RNLS: variants seen among roughly 807,000 people sequenced by gnomAD.
The protein encoded by RNLS is renalase, FAD dependent amine oxidase, also known as renalase.
A neutral mutation model predicts 39.8 loss-of-function variants in RNLS; 39 were observed. The observed-to-expected ratio is 0.98, with a 90% CI of 0.76 to 1.28. RNLS has a LOEUF of 1.28. Ranked by LOEUF, RNLS falls within the 50% of genes most tolerant of loss-of-function variation. The pLI, the probability that RNLS is intolerant of heterozygous loss-of-function variation, is 0.00. For synonymous variants in RNLS, 147 were observed against 150.7 expected (o/e 0.98, Z 0.18); for missense variants, 410 against 413.3 (o/e 0.99, Z 0.07).
chr10:88,577,555 T>C (rs1231449226), intron 3 of RNLS, among the ~76,000 whole-genome samples: 2 of 152,182 alleles, frequency 1.3e-5, no homozygotes, highest in East Asian at 3.8e-4. Flanking sequence ...CCTCAGGTAG[T>C]ATTAGATAAA....
At chr10:88,320,934 C>A (rs999062747) in intron 5 of RNLS, among the ~76,000 whole-genome samples, 1 of 150,144 alleles carries the variant, frequency 6.7e-6, no homozygotes, top group Non-Finnish European at 1.5e-5. Context: ...TTAAATTGGA[C>A]TCTTGACCAA....
At chr10:88,395,352 A>G (rs955319228) in intron 4 of RNLS, among the ~76,000 whole-genome samples, 1 of 151,926 alleles carries the variant, frequency 6.6e-6, no homozygotes, top group Non-Finnish European at 1.5e-5. Context: ...CCGAGGAACT[A>G]AAGACAAGCA....
chr10:88,269,129 G>A (rs1349380320), downstream of RNLS, among the ~76,000 whole-genome samples: 4 of 152,186 alleles, frequency 2.6e-5, no homozygotes, highest in Non-Finnish European at 5.9e-5. Flanking sequence ...CCTCTTTGGG[G>A]AGAAAGCAAT....
At chr10:88,254,125 A>C in the RNLS span, among the ~76,000 whole-genome samples, 1 of 152,028 alleles carries the variant, frequency 6.6e-6, no homozygotes, top group Admixed American at 6.5e-5. Context: ...TCCCATTCTC[A>C]CTCTCATAGT....
At chr10:88,529,183 G>T (rs1236327854) in intron 4 of RNLS, among the ~76,000 whole-genome samples, 1 of 152,110 alleles carries the variant, frequency 6.6e-6, no homozygotes, top group Non-Finnish European at 1.5e-5. Context: ...TGTGAATTTA[G>T]GAGAGAGGGA....
chr10:88,511,082 T>C (rs1402833367), intron 4 of RNLS, among the ~76,000 whole-genome samples: 1 of 150,838 alleles, frequency 6.6e-6, no homozygotes, highest in Non-Finnish European at 1.5e-5. Context: ...CATAAGAATA[T>C]GGATTAAGAC....
At chr10:88,225,202 T>C in the RNLS span, among the ~76,000 whole-genome samples, 1 of 152,212 alleles carries the variant, frequency 6.6e-6, no homozygotes, top group Non-Finnish European at 1.5e-5. Context: ...TCTTCACGAG[T>C]GTACACATAC....
At chr10:88,517,705 A>G (rs765099312) in intron 4 of RNLS, among the ~76,000 whole-genome samples, 2 of 151,932 alleles carry the variant, frequency 1.3e-5, no homozygotes, top group Non-Finnish European at 2.9e-5. Flanking sequence ...AACTTCTCAT[A>G]AACACAAATG....
intron 4 of RNLS, among the ~76,000 whole-genome samples, chr10:88,478,349 G>C (rs1483627861): frequency 1.3e-5 from 2 of 152,144 alleles, no homozygotes; most frequent in East Asian, 3.9e-4. Flanking sequence ...ATTTCTGTCA[G>C]ATTCATCATT....
chr10:88,479,555 T>A (rs1461463833), intron 4 of RNLS, among the ~76,000 whole-genome samples: 1 of 151,982 alleles, frequency 6.6e-6, no homozygotes, highest in Non-Finnish European at 1.5e-5. Flanking sequence ...TTTAGAAATA[T>A]CAGTATCATC....
rs932582789 is a variant in RNLS at position 88,285,494 on chromosome 10, C to T, written c.889G>A (p.Ala297Thr). Residue 297 changes from alanine (A) to threonine (T), a missense_variant, in exon 7 of 7, where the codon GCT (alanine) becomes ACT (threonine). Ala to Thr is a moderately conservative substitution (Grantham distance 58). Coordinates refer to ENST00000331772, the MANE Select transcript of RNLS (RefSeq NM_001031709.3). ...GTCATTTGGCCAGGACAGTTGGCAGCAGCATTTGTAACCTGAAAAAGTAAA... is the reference window on the plus strand; with the variant it reads ...GTCATTTGGCCAGGACAGTTGGCAGTAGCATTTGTAACCTGAAAAAGTAAA... ...KWRHSQVTNA[A>T]ANCPGQMTLH... 1.9e-6 allele frequency: 3 copies of T among 1,612,830 alleles called. No homozygotes were observed. The highest frequency in any genetic ancestry group is 8.5e-7 in the Non-Finnish European group (1 of 1,179,208).
At chr10:88,348,916 G>A (rs190171140) in intron 5 of RNLS, among the ~76,000 whole-genome samples, 6 of 152,146 alleles carry the variant, frequency 3.9e-5, no homozygotes, top group South Asian at 2.1e-4. Context: ...GTATAGATCC[G>A]AGCATCTTTT....
intron 4 of RNLS, among the ~76,000 whole-genome samples, chr10:88,412,046 G>A (rs969646026): frequency 6.6e-6 from 1 of 152,006 alleles, no homozygotes; most frequent in South Asian, 2.1e-4. Context: ...ACAGGTCACT[G>A]GATTCCACTG....
chr10:88,365,681 C>T, intron 4 of RNLS, among the ~76,000 whole-genome samples: 1 of 151,816 alleles, frequency 6.6e-6, no homozygotes, highest in South Asian at 2.1e-4. Context: ...AGTTCACATG[C>T]ATACTTTCAT....
chr10:88,506,309 A>C (rs1281507094), intron 4 of RNLS, among the ~76,000 whole-genome samples: 1 of 152,094 alleles, frequency 6.6e-6, no homozygotes, highest in Non-Finnish European at 1.5e-5. Context: ...AAGAAAATTA[A>C]AACTAAGAGA....
the RNLS span, among the ~76,000 whole-genome samples, chr10:88,263,935 C>T: frequency 6.6e-6 from 1 of 152,176 alleles, no homozygotes; most frequent in Non-Finnish European, 1.5e-5. Flanking sequence ...GCAGTATACA[C>T]TGTACCCAAT....
Position 88,362,593 on chromosome 10 carries a change from C to A in RNLS, c.659G>T (p.Cys220Phe). The change falls in exon 5 of 7, where the codon TGC becomes TTC. Residue 220 changes from cysteine to phenylalanine, a missense_variant. Transcript: ENST00000331772. ...WAGQYITSNP[C>F]IRFVSIDNKK... ...ATTATCAATGGAGACGAAGCGTATG[C>A]AGGGATTACTGGTGATGTACTGCCC... 6.2e-7 allele frequency: 1 copy of A among 1,613,806 alleles called. No homozygotes were observed. Among genetic ancestry groups the A allele is most frequent in the Non-Finnish European group, 8.5e-7 (1 of 1,179,850 alleles).
At chr10:88,216,124 A>G in the RNLS span, among the ~76,000 whole-genome samples, 1 of 152,240 alleles carries the variant, frequency 6.6e-6, no homozygotes, top group African/African-American at 2.4e-5. Flanking sequence ...TCTATATCGT[A>G]TCTTTGCAGA....
At chr10:88,424,107 G>A (rs1400827650) in intron 4 of RNLS, among the ~76,000 whole-genome samples, 1 of 152,150 alleles carries the variant, frequency 6.6e-6, no homozygotes, top group Non-Finnish European at 1.5e-5. Context: ...GGCATGATGT[G>A]TGTTTGTCTA....
Sources: allele counts gnomAD v4.1 joint callset (sites outside exome capture counted in the v4.1 genomes callset), GRCh38; gene constraint gnomAD v4.1.1; transcripts MANE v1.5; gene names NCBI Gene and HGNC (gene_info 2026-07-23, HGNC 2026-07-21).